Variants in SENP7 observed in about 807,000 individuals in gnomAD.
The protein encoded by SENP7 is SUMO specific peptidase 7.
SENP7 carries 64 observed loss-of-function variants against 141.2 expected under a neutral mutation model. The observed-to-expected ratio is 0.45, with a 90% confidence interval of 0.37 to 0.56. SENP7 has a LOEUF of 0.56. Among genes scored for constraint, SENP7 ranks in the 20% least tolerant of loss-of-function variants. The pLI, the probability that SENP7 is intolerant of heterozygous loss-of-function variation, is 0.00. For synonymous variants in SENP7, 382 were observed against 426.4 expected (o/e 0.90, Z 1.28); for missense variants, 1,025 against 1,212.2 (o/e 0.85, Z 2.29).
At chr3:101,334,937 T>C (rs1209425516) in intron 17 of SENP7, among the ~76,000 whole-genome samples, 1 of 152,208 alleles carries the variant, frequency 6.6e-6, no homozygotes, top group Admixed American at 6.5e-5. Context: ...TAATCAATAA[T>C]AGGCACTGTT....
At chr3:101,360,169 C>T (rs960283666) in intron 11 of SENP7, among the ~76,000 whole-genome samples, 1 of 151,950 alleles carries the variant, frequency 6.6e-6, no homozygotes, top group African/African-American at 2.4e-5. Context: ...CAGTTAAAAC[C>T]AGTGGCCAAA....
At chr3:101,437,625 C>T (rs1327388074) in intron 4 of SENP7, among the ~76,000 whole-genome samples, 1 of 152,050 alleles carries the variant, frequency 6.6e-6, no homozygotes, top group Admixed American at 6.6e-5. Flanking sequence ...GGTGGGAGGG[C>T]TTGAGCCCAG....
chr3:101,414,196 C>A (rs1401404873), intron 5 of SENP7: 2 of 572,216 alleles, frequency 3.5e-6, no homozygotes, highest in African/African-American at 3.9e-5. Flanking sequence ...TATGGCCGCA[C>A]AGCATGGGGC....
intron 4 of SENP7, among the ~76,000 whole-genome samples, chr3:101,427,298 G>A (rs910762990): frequency 3.3e-5 from 5 of 151,998 alleles, no homozygotes; most frequent in African/African-American, 1.2e-4. Context: ...AGACCAGCCT[G>A]GGCAACATGG....
chr3:101,364,602 G>A (rs1184997588), intron 10 of SENP7, among the ~76,000 whole-genome samples: 2 of 152,148 alleles, frequency 1.3e-5, no homozygotes, highest in African/African-American at 4.8e-5. Flanking sequence ...TCAAGTAATA[G>A]ACTATTCAGA....
chr3:101,379,683 TG>T (rs1439956684), intron 6 of SENP7, among the ~76,000 whole-genome samples: 1 of 152,108 alleles, frequency 6.6e-6, no homozygotes, highest in Non-Finnish European at 1.5e-5. Flanking sequence ...AAACAAGTAT[TG>T]GCGAGATATG....
At chr3:101,361,207 T>TG (rs1371985079) in intron 11 of SENP7, among the ~76,000 whole-genome samples, 3 of 133,498 alleles carry the variant, frequency 2.2e-5, no homozygotes, top group African/African-American at 5.5e-5. Flanking sequence ...AGTGAGACTC[T>TG]GTCCGCCCCC....
rs556528414 is a variant in SENP7 at position 101,442,321 on chromosome 3, G to A, written c.284+16634C>T. The stretch of plus-strand genomic sequence containing the variant: ...TTTTCCACAGACCACGGGATGGCAG[G>A]GGAGTATGGACTGTTTTAGGACGAA... On this transcript the variant is annotated intron_variant, in intron 4 of 23. Transcript: ENST00000394095. Among the ~76,000 whole-genome samples the A allele has an allele frequency of 6.6e-4, 100 of 152,288 alleles. 2 individuals are homozygous for A. The highest frequency in any genetic ancestry group is 2.1e-3 in the South Asian group (10 of 4,824).
intron 12 of SENP7, 39 bp downstream of exon 12, chr3:101,351,579 A>G (rs1430853069): frequency 7.7e-7 from 1 of 1,296,730 alleles, no homozygotes; most frequent in South Asian, 1.9e-5. Context: ...ACTAAAAACT[A>G]TAGTAAAAAG....
Position 101,482,124 on chromosome 3 carries a change from CA to C in SENP7, c.186+11748del, listed in dbSNP as rs2064510798. Among the ~76,000 whole-genome samples the C allele has an allele frequency of 2.0e-5, 3 of 151,978 alleles. No individual in the cohort carries two copies. The South Asian group carries it at 6.2e-4, about 32-fold the overall frequency. ...AGGAGATCGAGACCATCCTGGCTAA[CA>C]AGGTGAAACCCTGTCTCTACTAAAA... is the stretch of plus-strand genomic sequence containing the variant. On this transcript the variant is annotated intron_variant, in intron 3 of 23. Transcript: ENST00000394095.
chr3:101,325,919 C>G lies in SENP7; in HGVS notation c.*24G>C, dbSNP rs746712151. ...GCTTTCCAGTAATCTTAGAGAACAT[C>G]TGTGTCATGTTTGTACAGATTAACT... is the stretch of plus-strand genomic sequence containing the variant. On this transcript the variant is annotated 3_prime_UTR_variant, in exon 24 of 24. Transcript: ENST00000394095. The G allele has an allele frequency of 9.6e-6, 15 of 1,567,376 alleles. No individual in the cohort carries two copies. In the Admixed American group the frequency reaches 2.9e-4, roughly 30 times the overall value.
intron 4 of SENP7, among the ~76,000 whole-genome samples, chr3:101,420,459 A>G (rs2061758975): frequency 6.6e-6 from 1 of 152,260 alleles, no homozygotes; most frequent in South Asian, 2.1e-4. Flanking sequence ...CAAGCTTACT[A>G]AAGAAACACA....
rs1363521359 is a variant in SENP7, at chr3:101,463,388, T to C, written c.187-4336A>G. 7.9e-3 allele frequency among the ~76,000 whole-genome samples: 734 copies of C among 92,918 alleles called. 7 individuals carry two copies. Among genetic ancestry groups the C allele is most frequent in the African/African-American group, 0.033 (687 of 21,138 alleles). The allele number at this position is 92,918 out of a possible 152,430, so 61.0% of individuals were successfully genotyped here. On this transcript the variant is annotated intron_variant, in intron 3 of 23. Coordinates refer to ENST00000394095, the MANE Select transcript of SENP7 (RefSeq NM_020654.5). ...AAATATATATATATATATATATATA[T>C]ATATATATACATATATATATATATA...
intron 19 of SENP7, among the ~76,000 whole-genome samples, chr3:101,331,128 G>A (rs558388076): frequency 6.6e-6 from 1 of 151,914 alleles, no homozygotes; most frequent in Non-Finnish European, 1.5e-5. Context: ...TTTTTAAAAT[G>A]GTATAATACT....
At chr3:101,497,781 G>A (rs2065218479) in intron 2 of SENP7, among the ~76,000 whole-genome samples, 1 of 152,208 alleles carries the variant, frequency 6.6e-6, no homozygotes, top group Admixed American at 6.5e-5. Context: ...AGTGGGGGAA[G>A]AGGATCAGCT....
chr3:101,386,265 A>T (rs1433022884), intron 6 of SENP7, among the ~76,000 whole-genome samples: 2 of 152,222 alleles, frequency 1.3e-5, no homozygotes, highest in Non-Finnish European at 2.9e-5. Context: ...GAGCCAGGAC[A>T]GACTCCTTGC....
chr3:101,412,915 C>T (rs954682417), intron 5 of SENP7, among the ~76,000 whole-genome samples: 1 of 152,068 alleles, frequency 6.6e-6, no homozygotes, highest in African/African-American at 2.4e-5. Context: ...TTCTAAAACT[C>T]TTTTGATACT....
chr3:101,439,273 A>G, intron 4 of SENP7, among the ~76,000 whole-genome samples: 1 of 99,724 alleles, frequency 1.0e-5, no homozygotes, highest in Admixed American at 1.0e-4. Flanking sequence ...CCCGTCTGAG[A>G]AGTGAGGAGA....
intron 4 of SENP7, among the ~76,000 whole-genome samples, chr3:101,418,285 C>A (rs892129011): frequency 3.3e-5 from 5 of 151,412 alleles, no homozygotes; most frequent in Non-Finnish European, 7.4e-5. Flanking sequence ...AATAGGTCAA[C>A]TTAAAAAATT....
Sources: gnomAD v4.1 joint callset for allele counts (sites outside exome capture counted in the v4.1 genomes callset) on GRCh38, gnomAD v4.1.1 for gene constraint, MANE v1.5 for transcripts, NCBI Gene and HGNC (gene_info 2026-07-23, HGNC 2026-07-21) for gene names.